Variants in RNF182 observed in about 807,000 individuals in gnomAD.
RNF182 encodes the protein E3 ubiquitin-protein ligase RNF182.
RNF182 carries 15 observed loss-of-function variants against 14.4 expected under a neutral mutation model. The observed-to-expected ratio is 1.04, with a 90% CI of 0.70 to 1.60. The LOEUF (loss-of-function observed/expected upper bound fraction) is 1.60. Among genes scored for constraint, RNF182 ranks in the 40% most tolerant of loss-of-function variants. RNF182 has a pLI of 0.00. For synonymous variants in RNF182, 128 were observed against 122.9 expected (o/e 1.04, Z -0.27); for missense variants, 268 against 294.8 (o/e 0.91, Z 0.67).
chr6:13,972,304 C>CAAAA, intron 1 of RNF182, among the ~76,000 whole-genome samples: 1 of 61,094 alleles, frequency 1.6e-5, no homozygotes, highest in African/African-American at 5.9e-5. Context: ...GACTCTGTCT[C>CAAAA]AAAAAAAAAA....
In RNF182 at chr6:13,976,918, G is replaced by A. The variant is rs1760340402; in HGVS notation, c.-202G>A. On this transcript the variant is annotated 5_prime_UTR_variant, in exon 3 of 3. In the 5' UTR this introduces an upstream ATG that the reference lacks. Coordinates refer to ENST00000488300, the MANE Select transcript of RNF182 (RefSeq NM_152737.4). ...CTTTTCTTCTTTACAGACCCTTCAT[G>A]TGGCCTTTATAAATATGCGTTTGAG... 2 of 602,826 alleles carry A rather than the reference G, an allele frequency of 3.3e-6. No homozygotes were observed. Among genetic ancestry groups the A allele is most frequent in the Non-Finnish European group, 5.9e-6 (2 of 340,870 alleles). The allele number at this position is 602,826 out of a possible 1,614,324, so 37.3% of individuals were successfully genotyped here.
intron 1 of RNF182, among the ~76,000 whole-genome samples, chr6:13,953,328 G>T (rs1019663294): frequency 4.6e-5 from 7 of 152,234 alleles, no homozygotes; most frequent in Non-Finnish European, 8.8e-5. Flanking sequence ...GTGGACAGGT[G>T]AGTTACTAGT....
At chr6:13,948,206 C>T (rs960998082) in intron 1 of RNF182, among the ~76,000 whole-genome samples, 19 of 152,128 alleles carry the variant, frequency 1.2e-4, no homozygotes, top group African/African-American at 4.6e-4. Context: ...TAATGGCATA[C>T]ATTTCAAAGC....
chr6:13,962,448 TAG>T (rs1204696879), intron 1 of RNF182, among the ~76,000 whole-genome samples: 1 of 152,214 alleles, frequency 6.6e-6, no homozygotes, highest in Non-Finnish European at 1.5e-5. Context: ...TTTTTGAAGA[TAG>T]AGTTATTAGT....
intron 1 of RNF182, among the ~76,000 whole-genome samples, chr6:13,931,234 C>G (rs1758959904): frequency 6.6e-6 from 1 of 152,084 alleles, no homozygotes; most frequent in African/African-American, 2.4e-5. Context: ...TTTTCTGTCT[C>G]CTGAATTTGT....
chr6:13,970,294 C>G (rs867074845), intron 1 of RNF182, among the ~76,000 whole-genome samples: 128 of 152,190 alleles, frequency 8.4e-4, no homozygotes, highest in African/African-American at 2.6e-3. Flanking sequence ...CTTCTTTCTC[C>G]CTCTCCCACC....
At chr6:13,949,361 C>G (rs1759525090) in intron 1 of RNF182, 1 of 764,460 alleles carries the variant, frequency 1.3e-6, no homozygotes, top group Non-Finnish European at 2.4e-6. Context: ...TGTCCTGAAG[C>G]TGCCAGTCAG....
chr6:13,978,123 G>C lies in RNF182; in HGVS notation c.*260G>C, dbSNP rs754657580. ...GTGAGTCTTCCCAGAGAAAGGACAGGGTTTCTCTCAGCACTGCCAGACAGA... is the reference window on the plus strand; with the variant it reads ...GTGAGTCTTCCCAGAGAAAGGACAGCGTTTCTCTCAGCACTGCCAGACAGA... On this transcript the variant is annotated 3_prime_UTR_variant, in exon 3 of 3. Coordinates refer to ENST00000488300, the MANE Select transcript of RNF182 (RefSeq NM_152737.4). 9.7e-6 allele frequency: 4 copies of C among 411,384 alleles called. No homozygotes were observed. Among genetic ancestry groups the C allele is most frequent in the Admixed American group, 7.9e-5 (2 of 25,228 alleles). The allele number at this position is 411,384 out of a possible 1,614,324, so 25.5% of individuals were successfully genotyped here. A position where few individuals can be genotyped will look rare whatever the true frequency, so the allele number is the denominator to read the frequency against.
intron 1 of RNF182, among the ~76,000 whole-genome samples, chr6:13,957,276 T>G (rs2113623807): frequency 6.6e-6 from 1 of 152,354 alleles, no homozygotes; most frequent in South Asian, 2.1e-4. Context: ...CAATGCCACA[T>G]TATGTGGCTG....
At chr6:13,960,531 G>C (rs1561784239) in intron 1 of RNF182, among the ~76,000 whole-genome samples, 1 of 152,132 alleles carries the variant, frequency 6.6e-6, no homozygotes, top group Non-Finnish European at 1.5e-5. Context: ...ACTCTTTTAA[G>C]TGAATTCTAT....
intron 1 of RNF182, among the ~76,000 whole-genome samples, chr6:13,938,185 T>A (rs1680593429): frequency 6.8e-6 from 1 of 145,988 alleles, no homozygotes; most frequent in Admixed American, 6.8e-5. Context: ...ATTTTTTTTT[T>A]TTTTTTTTTT....
rs113570356 is a variant in RNF182, at chr6:13,935,916, A to G, written c.-367+10893A>G. Reference sequence around the variant, plus strand: ...ACTTGAGAGTGGGTAATTTATGAAGAAAAGAGATTTAATTGACTCACAGTT... The same window carrying G: ...ACTTGAGAGTGGGTAATTTATGAAGGAAAGAGATTTAATTGACTCACAGTT... On this transcript the variant is annotated intron_variant, in intron 1 of 2. Coordinates refer to ENST00000488300, the MANE Select transcript of RNF182 (RefSeq NM_152737.4). 5.7e-3 allele frequency among the ~76,000 whole-genome samples: 874 copies of G among 152,362 alleles called. 4 individuals are homozygous for G. The highest frequency in any genetic ancestry group is 8.8e-3 in the Non-Finnish European group (601 of 68,028).
At position 13,977,553 on chromosome 6, in the gene RNF182, G is replaced by C; in HGVS notation, c.434G>C (p.Ser145Thr). The change falls in exon 3 of 3, where the codon AGC (serine) becomes ACC (threonine). Residue 145 changes from serine (S) to threonine (T), a missense_variant. Transcript: ENST00000488300. Reference sequence around the variant, plus strand: ...CAGAGAGAGAGCTCCCCGTCCCTGAGCTCCACTCCTGTGGTAGAATTTTAT... The same window carrying C: ...CAGAGAGAGAGCTCCCCGTCCCTGACCTCCACTCCTGTGGTAGAATTTTAT... Reference protein sequence around the residue: ...EVQRESSPSLSSTPVVEFYRP... With the variant: ...EVQRESSPSLTSTPVVEFYRP... The C allele has an allele frequency of 6.2e-7, 1 of 1,614,178 alleles. No homozygotes were observed. The highest frequency in any genetic ancestry group is 1.3e-5 in the African/African-American group (1 of 75,036).
intron 1 of RNF182, among the ~76,000 whole-genome samples, chr6:13,933,898 G>A (rs2113583641): frequency 6.6e-6 from 1 of 152,166 alleles, no homozygotes; most frequent in Admixed American, 6.5e-5. Context: ...TGCGCCTGTA[G>A]TCCCAGCTAC....
rs200201661 is a variant in RNF182, at chr6:13,956,312, C to CT, written c.-366-17885dup. Among the ~76,000 whole-genome samples, 628 of 139,886 alleles carry CT rather than the reference C, an allele frequency of 4.5e-3. 17 individuals carry two copies. In the East Asian group the frequency reaches 0.075, roughly 17 times the overall value. 91.8% of individuals were successfully genotyped at this position (139,886 alleles called of 152,430 possible). A position where few individuals can be genotyped will look rare whatever the true frequency, so the allele number is the denominator to read the frequency against. ...CCTAATATATCCTGACTGTTCTTTG[C>CT]TTTTTTTTTTTTTCCTTTTTTGTTT... On this transcript the variant is annotated intron_variant, in intron 1 of 2. Coordinates refer to ENST00000488300, the MANE Select transcript of RNF182 (RefSeq NM_152737.4).
rs540738775 is a variant in RNF182 at position 13,969,101 on chromosome 6, G to GTTT, written c.-366-5105_-366-5103dup. Among the ~76,000 whole-genome samples, 287 of 135,890 alleles carry GTTT rather than the reference G, an allele frequency of 2.1e-3. 1 individual carries two copies. Among genetic ancestry groups the GTTT allele is most frequent in the African/African-American group, 6.9e-3 (265 of 38,134 alleles). 89.1% of individuals were successfully genotyped at this position (135,890 alleles called of 152,430 possible). On this transcript the variant is annotated intron_variant, in intron 1 of 2. Coordinates refer to ENST00000488300, the MANE Select transcript of RNF182 (RefSeq NM_152737.4). Reference sequence around the variant, plus strand: ...TTCAGGTCTCATCAGGCTTGTCTCTGTTTTTTGTTGTTGTTGTTGTTGTTG... The same window carrying GTTT: ...TTCAGGTCTCATCAGGCTTGTCTCTGTTTTTTTTTGTTGTTGTTGTTGTTGTTG...
At chr6:13,938,004 GTTTTTTTTTTTT>G (rs70989897) in intron 1 of RNF182, among the ~76,000 whole-genome samples, 1 of 79,598 alleles carries the variant, frequency 1.3e-5, no homozygotes, top group Non-Finnish European at 2.2e-5. Flanking sequence ...TTTTCTTACT[GTTTTTTTTTTTT>G]TTTTTTTTTT....
At chr6:13,965,990 T>C (rs1760017451) in intron 1 of RNF182, among the ~76,000 whole-genome samples, 1 of 152,196 alleles carries the variant, frequency 6.6e-6, no homozygotes. Flanking sequence ...ATACTTTTTT[T>C]TGAGTGGACT....
intron 1 of RNF182, among the ~76,000 whole-genome samples, chr6:13,938,219 G>A (rs145773568): frequency 3.4e-3 from 464 of 135,780 alleles, no homozygotes; most frequent in African/African-American, 0.012. Flanking sequence ...GGGTTTCACC[G>A]TGATAGCCAG....
Sources: allele counts gnomAD v4.1 joint callset (sites outside exome capture counted in the v4.1 genomes callset), GRCh38; gene constraint gnomAD v4.1.1; transcripts MANE v1.5; gene names NCBI Gene and HGNC (gene_info 2026-07-23, HGNC 2026-07-21).